The following RIMS2 variants were observed in gnomAD, a reference collection of about 807,000 sequenced individuals.
RIMS2 encodes regulating synaptic membrane exocytosis 2, also known as regulating synaptic membrane exocytosis protein 2.
RIMS2 carries 59 observed loss-of-function variants against 174.4 expected under a neutral mutation model. The observed-to-expected ratio is 0.34, with a 90% CI of 0.27 to 0.42. RIMS2 has a LOEUF of 0.42. Among genes scored for constraint, RIMS2 ranks in the 10% least tolerant of loss-of-function variants. The pLI is 1.00. For missense variants in RIMS2, 1,620 were observed against 1,666.3 expected (o/e 0.97, Z 0.48); for synonymous variants, 606 against 572.5 (o/e 1.06, Z -0.84).
At chr8:103,567,692 G>T (rs1244497715) in intron 1 of RIMS2, among the ~76,000 whole-genome samples, 1 of 152,174 alleles carries the variant, frequency 6.6e-6, no homozygotes, top group Non-Finnish European at 1.5e-5. Context: ...GAGTGGAATT[G>T]CTGGGTCATA....
intron 1 of RIMS2, among the ~76,000 whole-genome samples, chr8:103,636,207 G>T (rs1487164408): frequency 6.6e-6 from 1 of 152,194 alleles, no homozygotes; most frequent in Non-Finnish European, 1.5e-5. Context: ...GTTTTATCTT[G>T]TGAGGTGCTG....
chr8:103,953,795 GAC>G (rs2086214020), intron 14 of RIMS2, among the ~76,000 whole-genome samples: 1 of 152,070 alleles, frequency 6.6e-6, no homozygotes, highest in Non-Finnish European at 1.5e-5. Flanking sequence ...CCAGTTAAAA[GAC>G]ACAGACTGGC....
chr8:103,753,468 G>T (rs1419013602), intron 2 of RIMS2, among the ~76,000 whole-genome samples: 1 of 152,146 alleles, frequency 6.6e-6, no homozygotes, highest in Non-Finnish European at 1.5e-5. Context: ...TTAGGGGGAG[G>T]ATTCCCTCTT....
intron 1 of RIMS2, among the ~76,000 whole-genome samples, chr8:103,656,204 TG>T (rs1157641720): frequency 6.6e-6 from 1 of 152,064 alleles, no homozygotes; most frequent in Non-Finnish European, 1.5e-5. Flanking sequence ...AAGAACTAAT[TG>T]GGTCGTGATG....
chr8:103,741,290 C>T (rs2097759429), intron 2 of RIMS2, among the ~76,000 whole-genome samples: 1 of 151,940 alleles, frequency 6.6e-6, no homozygotes, highest in Non-Finnish European at 1.5e-5. Context: ...CTATTTCCTT[C>T]GTTTTTATAG....
At chr8:103,659,809 C>T (rs1047394172) in intron 1 of RIMS2, among the ~76,000 whole-genome samples, 2 of 152,160 alleles carry the variant, frequency 1.3e-5, no homozygotes, top group African/African-American at 4.8e-5. Flanking sequence ...ACGAGTGGAG[C>T]GTTTCACTGA....
At chr8:103,803,589 C>A (rs1050037697) in intron 3 of RIMS2, among the ~76,000 whole-genome samples, 1 of 152,140 alleles carries the variant, frequency 6.6e-6, no homozygotes, top group Non-Finnish European at 1.5e-5. Flanking sequence ...ACTTACCCTT[C>A]CCTTGGGTAT....
At chr8:104,205,548 A>G (rs1211927705) in intron 19 of RIMS2, among the ~76,000 whole-genome samples, 2 of 151,954 alleles carry the variant, frequency 1.3e-5, no homozygotes, top group Admixed American at 6.6e-5. Flanking sequence ...CCTATTCGTC[A>G]TAACTTAAGT....
intron 1 of RIMS2, among the ~76,000 whole-genome samples, chr8:103,549,071 A>G (rs367641195): frequency 2.8e-4 from 42 of 152,208 alleles, no homozygotes; most frequent in African/African-American, 9.4e-4. Flanking sequence ...GAGAATCAAT[A>G]TCATTAAAAT....
intron 19 of RIMS2, among the ~76,000 whole-genome samples, chr8:104,121,973 A>T (rs1566540246): frequency 6.6e-6 from 1 of 152,138 alleles, no homozygotes; most frequent in African/African-American, 2.4e-5. Context: ...AAAAATAAAT[A>T]AAAATAAAAT....
chr8:103,885,372 A>G, exon 4 of RIMS2: 4 of 1,612,546 alleles, frequency 2.5e-6, no homozygotes. Context: ...GAATATTCAC[A>G]GTATGCTACT....
chr8:103,717,417 T>G (rs1246190691), intron 2 of RIMS2, among the ~76,000 whole-genome samples: 1 of 152,084 alleles, frequency 6.6e-6, no homozygotes, highest in African/African-American at 2.4e-5. Flanking sequence ...ATCCTTGATC[T>G]GGGACAGGTT....
At position 104,013,328 on chromosome 8, in the gene RIMS2, A is replaced by G. The variant is rs534852722; in HGVS notation, c.3045-114A>G. On this transcript the variant is annotated intron_variant, in intron 17 of 23. Transcript: ENST00000504942. Reference sequence around the variant, plus strand: ...TATGTTGGGGAAAAGAAAAATTTTTACATACTCCATAATTTTAAACAATTA... The same window carrying G: ...TATGTTGGGGAAAAGAAAAATTTTTGCATACTCCATAATTTTAAACAATTA... 42 of 828,858 alleles carry G rather than the reference A, an allele frequency of 5.1e-5. No homozygotes were observed. In the African/African-American group the frequency reaches 5.6e-4, roughly 11 times the overall value. 51.3% of individuals were successfully genotyped at this position (828,858 alleles called of 1,614,324 possible).
chr8:104,202,086 A>G (rs1294905197), intron 19 of RIMS2, among the ~76,000 whole-genome samples: 1 of 152,188 alleles, frequency 6.6e-6, no homozygotes, highest in Non-Finnish European at 1.5e-5. Context: ...CATCATTATT[A>G]AAATAAAATT....
chr8:103,518,456 C>T (rs547099725), intron 1 of RIMS2, among the ~76,000 whole-genome samples: 5 of 151,884 alleles, frequency 3.3e-5, no homozygotes, highest in African/African-American at 4.8e-5. Context: ...ATGTGGCCTG[C>T]GGTCTGCGGG....
chr8:103,768,830 T>A, intron 3 of RIMS2: 1 of 626,786 alleles, frequency 1.6e-6, no homozygotes, highest in Non-Finnish European at 3.0e-6. Flanking sequence ...ACTCCATGTG[T>A]CCTGCAGCAC....
At chr8:103,665,054 C>G (rs1300320819) in intron 1 of RIMS2, among the ~76,000 whole-genome samples, 8 of 152,192 alleles carry the variant, frequency 5.3e-5, no homozygotes, top group Non-Finnish European at 1.2e-4. Flanking sequence ...CATGTTTTCA[C>G]TCATAGGTGG....
intron 2 of RIMS2, among the ~76,000 whole-genome samples, chr8:103,699,230 T>G (rs906699766): frequency 5.0e-4 from 76 of 152,186 alleles, no homozygotes; most frequent in African/African-American, 1.8e-3. Context: ...TTTTTGTTCC[T>G]GCTCAACCTG....
chr8:103,526,444 G>A (rs976284695), intron 1 of RIMS2, among the ~76,000 whole-genome samples: 5 of 152,122 alleles, frequency 3.3e-5, no homozygotes, highest in African/African-American at 1.2e-4. Context: ...CAAGACATAA[G>A]TTATATGATG....
Sources: gnomAD v4.1 joint callset for allele counts (sites outside exome capture counted in the v4.1 genomes callset) on GRCh38, gnomAD v4.1.1 for gene constraint, MANE v1.5 for transcripts, NCBI Gene and HGNC (gene_info 2026-07-23, HGNC 2026-07-21) for gene names.